The following RPH3A variants were observed in gnomAD, a reference collection of about 807,000 sequenced individuals.
RPH3A encodes the protein rabphilin-3A.
A neutral mutation model predicts 102.2 loss-of-function variants in RPH3A; 48 were observed. The ratio of observed to expected loss-of-function variants is 0.47; its 90% CI spans 0.37 to 0.60. RPH3A has a LOEUF of 0.60. Among genes scored for constraint, RPH3A ranks in the 20% least tolerant of loss-of-function variants. RPH3A has a pLI of 0.00. For synonymous variants in RPH3A, 310 were observed against 324.3 expected, an observed-to-expected ratio of 0.96 and a Z score of 0.47; for missense variants, 781 against 910.1, an observed-to-expected ratio of 0.86 and a Z score of 1.83.
intron 1 of RPH3A, among the ~76,000 whole-genome samples, chr12:112,641,174 A>G (rs1391910784): frequency 2.0e-5 from 3 of 152,232 alleles, no homozygotes; most frequent in Non-Finnish European, 4.4e-5. Flanking sequence ...TGAAAAGGTC[A>G]TCATTTAACT....
At chr12:112,684,015 T>C (rs999576875) in intron 1 of RPH3A, among the ~76,000 whole-genome samples, 5 of 152,212 alleles carry the variant, frequency 3.3e-5, no homozygotes, top group African/African-American at 9.6e-5. Flanking sequence ...ACATATGTGA[T>C]TATATATGTA....
At chr12:112,814,169 A>G (rs1329904835) in intron 2 of RPH3A, among the ~76,000 whole-genome samples, 2 of 151,764 alleles carry the variant, frequency 1.3e-5, no homozygotes, top group Admixed American at 1.3e-4. Flanking sequence ...GTGAGAAGAT[A>G]AGAAGAGCCC....
intron 1 of RPH3A, among the ~76,000 whole-genome samples, chr12:112,701,052 C>G (rs573011331): frequency 9.5e-4 from 145 of 152,304 alleles, no homozygotes; most frequent in African/African-American, 3.4e-3. Flanking sequence ...CAGACCTACT[C>G]CTCCTTCTCC....
chr12:112,580,047 C>A (rs1481441996), intron 1 of RPH3A, among the ~76,000 whole-genome samples: 1 of 152,170 alleles, frequency 6.6e-6, no homozygotes, highest in Non-Finnish European at 1.5e-5. Flanking sequence ...TAAGGGCTGT[C>A]TAGGGTGCTA....
chr12:112,798,496 TA>T (rs1447354835), intron 2 of RPH3A, among the ~76,000 whole-genome samples: 1 of 152,210 alleles, frequency 6.6e-6, no homozygotes, highest in Admixed American at 6.5e-5. Flanking sequence ...ACATATTATG[TA>T]AGCAGGTTTT....
rs55642465 is a variant in RPH3A at position 112,785,230 on chromosome 12, G to GAA, written c.-139-6900_-139-6899dup. Among the ~76,000 whole-genome samples the GAA allele has an allele frequency of 3.9e-3, 557 of 141,278 alleles. 3 individuals are homozygous for GAA. Among genetic ancestry groups the GAA allele is most frequent in the Admixed American group, 8.3e-3 (117 of 14,014 alleles). The allele number at this position is 141,278 out of a possible 152,430, so 92.7% of individuals were successfully genotyped here. ...AAAGCGAAACTCCCATCTCAAAAAA[G>GAA]AAAAAAAAAAAAAAGATACAGCTGC... On this transcript the variant is annotated intron_variant, in intron 1 of 21. Transcript: ENST00000543106.
At chr12:112,862,464 G>C (rs2042535494) in intron 5 of RPH3A, among the ~76,000 whole-genome samples, 1 of 152,186 alleles carries the variant, frequency 6.6e-6, no homozygotes, top group Admixed American at 6.5e-5. Flanking sequence ...ATAAAAAGCT[G>C]TGCCTGGTAC....
chr12:112,690,529 C>A (rs1310315895), intron 1 of RPH3A, among the ~76,000 whole-genome samples: 1 of 152,188 alleles, frequency 6.6e-6, no homozygotes, highest in Non-Finnish European at 1.5e-5. Context: ...CAGTCTGAAT[C>A]TTGGAGTCTT....
intron 1 of RPH3A, among the ~76,000 whole-genome samples, chr12:112,718,377 C>A (rs962236095): frequency 8.6e-5 from 13 of 151,554 alleles, no homozygotes; most frequent in Admixed American, 4.6e-4. Flanking sequence ...TCTTAAAGGA[C>A]AAATGTAGAG....
chr12:112,665,024 G>A (rs1401042740), intron 1 of RPH3A, among the ~76,000 whole-genome samples: 2 of 152,080 alleles, frequency 1.3e-5, no homozygotes, highest in African/African-American at 4.8e-5. Context: ...CATTACACAT[G>A]GTCCATTTGA....
intron 3 of RPH3A, among the ~76,000 whole-genome samples, chr12:112,835,730 T>C (rs552486021): frequency 6.6e-6 from 1 of 152,358 alleles, no homozygotes; most frequent in East Asian, 1.9e-4. Flanking sequence ...GCTAGCTAGA[T>C]ACGCTTCCTG....
upstream of RPH3A, among the ~76,000 whole-genome samples, chr12:112,788,261 T>A (rs923496097): frequency 6.6e-5 from 10 of 152,256 alleles, no homozygotes; most frequent in African/African-American, 1.9e-4. Context: ...TATTATTTTT[T>A]AATTTTGGTG....
intron 1 of RPH3A, among the ~76,000 whole-genome samples, chr12:112,658,914 A>G (rs1381317005): frequency 6.6e-6 from 1 of 152,196 alleles, no homozygotes; most frequent in African/African-American, 2.4e-5. Context: ...GGGGGAAAAG[A>G]TGCTGATATT....
rs141063849 is a variant in RPH3A, at chr12:112,670,403, G to A, written c.-140+95084G>A. Among the ~76,000 whole-genome samples, 7 of 152,176 alleles carry A rather than the reference G, an allele frequency of 4.6e-5. No individual in the cohort carries two copies. In the East Asian group the frequency reaches 7.7e-4, roughly 17 times the overall value. On this transcript the variant is annotated intron_variant, in intron 1 of 21. Transcript: ENST00000543106. ...TCAACATTTTGGCCAGGCTGGTCTC[G>A]AACTCCTGACCTCAGGAGTTCTGCC...
chr12:112,877,760 T>G (rs2042833904), intron 13 of RPH3A, among the ~76,000 whole-genome samples: 1 of 152,206 alleles, frequency 6.6e-6, no homozygotes, highest in Non-Finnish European at 1.5e-5. Context: ...AGGTGCTTCA[T>G]AAAATGGAAA....
At chr12:112,595,435 A>G (rs900962165) in intron 1 of RPH3A, among the ~76,000 whole-genome samples, 3 of 152,114 alleles carry the variant, frequency 2.0e-5, no homozygotes, top group African/African-American at 7.2e-5. Context: ...CATGCAGCAA[A>G]ATATTTCCCT....
At chr12:112,837,001 C>CT (rs1219120959) in intron 4 of RPH3A, among the ~76,000 whole-genome samples, 1 of 152,238 alleles carries the variant, frequency 6.6e-6, no homozygotes, top group African/African-American at 2.4e-5. Context: ...GAGGCCCTAT[C>CT]TTTTCTCACA....
chr12:112,653,657 C>T (rs1056941219), intron 1 of RPH3A, among the ~76,000 whole-genome samples: 5 of 151,978 alleles, frequency 3.3e-5, no homozygotes, highest in African/African-American at 7.2e-5. Context: ...ATTTTAGGTT[C>T]GGAGGTACAT....
intron 1 of RPH3A, among the ~76,000 whole-genome samples, chr12:112,668,811 CTTAAAG>C (rs1412312564): frequency 3.3e-5 from 5 of 151,676 alleles, no homozygotes; most frequent in African/African-American, 4.8e-5. Flanking sequence ...GTATTCCAGA[CTTAAAG>C]TTAAAAAAAA....
Sources: gnomAD v4.1 joint callset for allele counts (sites outside exome capture counted in the v4.1 genomes callset) on GRCh38, gnomAD v4.1.1 for gene constraint, MANE v1.5 for transcripts, NCBI Gene and HGNC (gene_info 2026-07-23, HGNC 2026-07-21) for gene names.